COL12A1: variants seen among roughly 807,000 people sequenced by gnomAD.
COL12A1 encodes collagen type XII alpha 1 chain, also known as collagen alpha-1(XII) chain.
In COL12A1, 114 loss-of-function variants were observed where a neutral mutation model predicts 349.7. The ratio of observed to expected loss-of-function variants is 0.33; its 90% CI spans 0.28 to 0.38. The LOEUF is 0.38. COL12A1 is among the 10% of genes least tolerant of loss of function. COL12A1 has a pLI of 1.00. For synonymous variants in COL12A1, 1,369 were observed against 1,329.0 expected (o/e 1.03, Z -0.66); for missense variants, 3,284 against 3,756.9 (o/e 0.87, Z 3.29).
chr6:75,105,572 T>C (rs915554655), intron 53 of COL12A1, among the ~76,000 whole-genome samples: 16 of 152,274 alleles, frequency 1.1e-4, no homozygotes, highest in Non-Finnish European at 1.3e-4. Context: ...TAGAGACTTG[T>C]TGTGTACCTC....
Position 75,181,095 on chromosome 6 carries a change from C to A in COL12A1, c.2008G>T (p.Ala670Ser), listed in dbSNP as rs1769255982. ...ACCACAGTGACCTCATCATCCCCAG[C>A]CGCTTCCTTGTAGGTGATGTGATAT... ...FSYHITYKEA[A>S]GDDEVTVVEP... Residue 670 changes from alanine (A) to serine (S), a missense_variant, in exon 11 of 66, where the codon GCT (alanine) becomes TCT (serine). Coordinates refer to ENST00000322507, the MANE Select transcript of COL12A1 (RefSeq NM_004370.6). 6.2e-7 allele frequency: 1 copy of A among 1,613,940 alleles called. No homozygotes were observed. Among genetic ancestry groups the A allele is most frequent in the South Asian group, 1.1e-5 (1 of 91,054 alleles).
chr6:75,132,981 A>C (rs1264736922), intron 34 of COL12A1, among the ~76,000 whole-genome samples: 1 of 152,240 alleles, frequency 6.6e-6, no homozygotes, highest in Non-Finnish European at 1.5e-5. Flanking sequence ...AGTCCTTCAC[A>C]ACAATTTATA....
chr6:75,102,526 T>C, intron 56 of COL12A1, 71 bp downstream of exon 56: 1 of 1,236,146 alleles, frequency 8.1e-7, no homozygotes, highest in Non-Finnish European at 1.1e-6. Context: ...TTTGGCAAAA[T>C]GTAGAAAAGA....
At chr6:75,197,645 G>A (rs1348619711) in intron 2 of COL12A1, among the ~76,000 whole-genome samples, 1 of 152,048 alleles carries the variant, frequency 6.6e-6, no homozygotes, top group Non-Finnish European at 1.5e-5. Context: ...GCTGCATATT[G>A]ATTATAACTG....
In COL12A1 at chr6:75,124,269, A is replaced by G. The variant is rs1298620930; in HGVS notation, c.6710T>C (p.Leu2237Pro). Reference protein sequence around the residue: ...HRAATSYRLKLSPADGTRGQE... With the variant: ...HRAATSYRLKPSPADGTRGQE... Reference sequence around the variant, plus strand: ...TACACACATACCATCTGCAGGGCTTAGTTTTAGCCTGTAGGAGGTGGCTGC... The same window carrying G: ...TACACACATACCATCTGCAGGGCTTGGTTTTAGCCTGTAGGAGGTGGCTGC... Residue 2237 changes from leucine (L) to proline (P), a missense_variant, in exon 41 of 66, where the codon CTA becomes CCA. Physicochemically the swap from Leu to Pro is moderately conservative, Grantham distance 98 (BLOSUM62 -3). Transcript: ENST00000322507. The G allele has an allele frequency of 5.0e-6, 8 of 1,613,304 alleles. No individual in the cohort carries two copies. Among genetic ancestry groups the G allele is most frequent in the Non-Finnish European group, 6.8e-6 (8 of 1,179,614 alleles).
chr6:75,193,957 T>C (rs2149481532), intron 3 of COL12A1, among the ~76,000 whole-genome samples: 1 of 152,346 alleles, frequency 6.6e-6, no homozygotes, highest in East Asian at 1.9e-4. Flanking sequence ...GTGCCACATT[T>C]TCTTAATCCA....
In COL12A1 at chr6:75,095,188, C is replaced by A. The variant is rs746462999; in HGVS notation, c.8578-9G>T. 1 of 1,610,536 alleles carries A rather than the reference C, an allele frequency of 6.2e-7. No individual in the cohort carries two copies. The highest frequency in any genetic ancestry group is 1.7e-5 in the Admixed American group (1 of 59,844). ...GGGGAGCCTGGGCTTCCCTACAACA[C>A]ATGGAAAGGGAAGGGGACTGTTATG... is the stretch of plus-strand genomic sequence containing the variant. On this transcript the variant is annotated splice_polypyrimidine_tract_variant and intron_variant, in intron 59 of 65. Coordinates refer to ENST00000322507, the MANE Select transcript of COL12A1 (RefSeq NM_004370.6).
intron 5 of COL12A1, 110 bp downstream of exon 5, chr6:75,191,591 T>A: frequency 1.7e-6 from 1 of 594,280 alleles, no homozygotes; most frequent in Non-Finnish European, 2.7e-6. Flanking sequence ...AAAGCTTATA[T>A]AAATTAATAT....
chr6:75,156,007 G>A (rs1767740458), intron 15 of COL12A1, among the ~76,000 whole-genome samples, 153 bp from the exon 16 acceptor site: 2 of 152,168 alleles, frequency 1.3e-5, no homozygotes, highest in South Asian at 2.1e-4. Context: ...ATAACAGAGT[G>A]CTAGCTAAGT....
chr6:75,088,957 C>T (rs577645816), intron 64 of COL12A1, 149 bp downstream of exon 64: 29 of 626,148 alleles, frequency 4.6e-5, no homozygotes, highest in Non-Finnish European at 6.6e-5. Context: ...GCCAAGATCG[C>T]GCCACTGCAC....
chr6:75,089,376 G>T (rs1045384921), intron 63 of COL12A1, among the ~76,000 whole-genome samples: 2 of 152,090 alleles, frequency 1.3e-5, no homozygotes, highest in South Asian at 2.1e-4. Context: ...AAAAAATTTG[G>T]CTACAAGGCA....
intron 47 of COL12A1, among the ~76,000 whole-genome samples, chr6:75,116,932 A>G (rs906201086): frequency 1.3e-5 from 2 of 152,144 alleles, no homozygotes; most frequent in Non-Finnish European, 2.9e-5. Flanking sequence ...GAACTTGAAA[A>G]TCTAAACCCA....
rs377675179 is a variant in COL12A1 at position 75,117,064 on chromosome 6, CA to C, written c.7519+317del. Reference sequence around the variant, plus strand: ...ACTAATGGGGAAAACCTTCATCTCACAGAAACGCCTTCTATATGCAATTTGA... The same window carrying C: ...ACTAATGGGGAAAACCTTCATCTCACGAAACGCCTTCTATATGCAATTTGA... On this transcript the variant is annotated intron_variant, in intron 47 of 65. Transcript: ENST00000322507. Among the ~76,000 whole-genome samples, 7 of 152,280 alleles carry C rather than the reference CA, an allele frequency of 4.6e-5. No individual in the cohort carries two copies. The East Asian group carries it at 7.7e-4, about 17-fold the overall frequency.
intron 56 of COL12A1, 92 bp from the exon 57 acceptor site, chr6:75,102,144 T>G: frequency 8.0e-7 from 1 of 1,245,416 alleles, no homozygotes; most frequent in East Asian, 2.3e-5. Context: ...TCTTCATCAC[T>G]TCATAAATCC....
intron 13 of COL12A1, among the ~76,000 whole-genome samples, chr6:75,166,095 G>GA (rs142941578): frequency 6.6e-6 from 1 of 151,380 alleles, no homozygotes; most frequent in Admixed American, 6.6e-5. Context: ...AATTCCAAAG[G>GA]AAAAAAAATG....
intron 14 of COL12A1, among the ~76,000 whole-genome samples, chr6:75,163,973 C>T (rs1370184514): frequency 6.6e-6 from 1 of 152,168 alleles, no homozygotes; most frequent in African/African-American, 2.4e-5. Context: ...TGTATCTGTA[C>T]TCCTACAAAT....
chr6:75,145,589 T>C, intron 24 of COL12A1, 134 bp from the exon 25 acceptor site: 1 of 749,806 alleles, frequency 1.3e-6, no homozygotes, highest in Non-Finnish European at 1.9e-6. Context: ...AGATTACATC[T>C]CCTTTTCCAT....
At chr6:75,181,977 T>C (rs1314659868) in intron 10 of COL12A1, among the ~76,000 whole-genome samples, 2 of 151,142 alleles carry the variant, frequency 1.3e-5, no homozygotes, top group Non-Finnish European at 2.9e-5. Context: ...ACTCCTGTAG[T>C]TCCAGCTACT....
intron 21 of COL12A1, among the ~76,000 whole-genome samples, chr6:75,148,744 C>G (rs894957363): frequency 6.6e-6 from 1 of 152,118 alleles, no homozygotes; most frequent in South Asian, 2.1e-4. Context: ...TCCTTAAAAC[C>G]TGATCCTCCT....
Sources: gnomAD v4.1 joint callset for allele counts (sites outside exome capture counted in the v4.1 genomes callset) on GRCh38, gnomAD v4.1.1 for gene constraint, MANE v1.5 for transcripts, NCBI Gene and HGNC (gene_info 2026-07-23, HGNC 2026-07-21) for gene names.